The following DTWD2 variants were observed in gnomAD, a reference collection of about 807,000 sequenced individuals.
The protein encoded by DTWD2 is tRNA-uridine aminocarboxypropyltransferase 2.
In DTWD2, 39 loss-of-function variants were observed where a neutral mutation model predicts 31.8. That is an observed-to-expected ratio of 1.22 (90% CI 0.95 to 1.60). The LOEUF (loss-of-function observed/expected upper bound fraction) is 1.60. DTWD2 is among the 40% of genes most tolerant of loss of function. The pLI is 0.00. For synonymous variants in DTWD2, 180 were observed against 142.8 expected (o/e 1.26, Z -1.86); for missense variants, 515 against 381.5 (o/e 1.35, Z -2.92).
chr5:118,904,360 A>G (rs1753279774), intron 4 of DTWD2, among the ~76,000 whole-genome samples: 1 of 152,176 alleles, frequency 6.6e-6, no homozygotes, highest in Admixed American at 6.5e-5. Flanking sequence ...GTGTATTATC[A>G]TACTTATATA....
chr5:118,895,094 T>C (rs537952436), intron 4 of DTWD2, among the ~76,000 whole-genome samples: 1 of 152,270 alleles, frequency 6.6e-6, no homozygotes, highest in South Asian at 2.1e-4. Flanking sequence ...GCAGACTACA[T>C]GTCCTTATAT....
chr5:118,967,601 C>A (rs560801812), intron 1 of DTWD2, among the ~76,000 whole-genome samples: 1 of 151,970 alleles, frequency 6.6e-6, no homozygotes, highest in Admixed American at 6.6e-5. Context: ...CAGGAGGGAA[C>A]AATTTGAGCA....
intron 1 of DTWD2, among the ~76,000 whole-genome samples, chr5:118,951,507 G>A (rs187182037): frequency 3.3e-5 from 5 of 152,178 alleles, no homozygotes; most frequent in East Asian, 3.9e-4. Flanking sequence ...CCCATTTTAC[G>A]AGAAGAATTA....
chr5:118,876,199 T>A (rs1752618260), intron 4 of DTWD2, among the ~76,000 whole-genome samples: 1 of 152,122 alleles, frequency 6.6e-6, no homozygotes, highest in African/African-American at 2.4e-5. Flanking sequence ...GGGACACAGG[T>A]AAGGCAGTGT....
intron 1 of DTWD2, among the ~76,000 whole-genome samples, chr5:118,950,230 A>C (rs1754432079): frequency 6.6e-6 from 1 of 151,502 alleles, no homozygotes; most frequent in Admixed American, 6.6e-5. Flanking sequence ...AAAAAAAAAA[A>C]AAAAAAAGAA....
chr5:118,906,479 T>C (rs1007504192), intron 4 of DTWD2, among the ~76,000 whole-genome samples: 3 of 152,114 alleles, frequency 2.0e-5, no homozygotes, highest in South Asian at 2.1e-4. Flanking sequence ...GATAAACAAA[T>C]TGTAGAATAT....
intron 1 of DTWD2, among the ~76,000 whole-genome samples, chr5:118,977,304 G>C (rs1755184789): frequency 6.6e-6 from 1 of 152,140 alleles, no homozygotes; most frequent in Non-Finnish European, 1.5e-5. Context: ...TCTCACCACT[G>C]CTATTCAAAA....
At chr5:118,891,193 G>A (rs1414741686) in intron 4 of DTWD2, among the ~76,000 whole-genome samples, 1 of 150,540 alleles carries the variant, frequency 6.6e-6, no homozygotes, top group Non-Finnish European at 1.5e-5. Context: ...AAATTATCCT[G>A]ATTTTTTAGA....
In DTWD2 at chr5:118,975,304, G is replaced by A. The variant is rs370976043; in HGVS notation, c.218+12990C>T. ...TTCAATTTCTGATATCCTTTCTTCCGCTTGATCGATTTGGCTACTGATACT... is the reference window on the plus strand; with the variant it reads ...TTCAATTTCTGATATCCTTTCTTCCACTTGATCGATTTGGCTACTGATACT... On this transcript the variant is annotated intron_variant, in intron 1 of 5. Transcript: ENST00000510708. Among the ~76,000 whole-genome samples the A allele has an allele frequency of 5.9e-5, 9 of 151,658 alleles. No homozygotes were observed. In the South Asian group the frequency reaches 1.5e-3, roughly 25 times the overall value.
chr5:118,951,207 C>A lies in DTWD2; in HGVS notation c.219-6558G>T, dbSNP rs190631090. ...TCACAGAAGGAAACTGTAAGCCGGA[C>A]TGGGTGTGAGGAGAGGAGGTGATAG... On this transcript the variant is annotated intron_variant, in intron 1 of 5. Transcript: ENST00000510708. 4.1e-3 allele frequency among the ~76,000 whole-genome samples: 629 copies of A among 152,148 alleles called. 9 individuals are homozygous for A. The highest frequency in any genetic ancestry group is 0.032 in the East Asian group (166 of 5,168).
At chr5:118,949,603 T>A (rs1754413650) in intron 1 of DTWD2, among the ~76,000 whole-genome samples, 1 of 152,184 alleles carries the variant, frequency 6.6e-6, no homozygotes. Context: ...GATAACAGGC[T>A]TTAACCTTTT....
At chr5:118,902,243 G>GA (rs1218240876) in intron 4 of DTWD2, among the ~76,000 whole-genome samples, 1 of 151,696 alleles carries the variant, frequency 6.6e-6, no homozygotes, top group African/African-American at 2.4e-5. Context: ...AAGCCAAAAA[G>GA]AAAAAAATAA....
chr5:118,850,825 AAC>A (rs1179449815), intron 4 of DTWD2, among the ~76,000 whole-genome samples: 2 of 152,200 alleles, frequency 1.3e-5, no homozygotes, highest in Non-Finnish European at 2.9e-5. Context: ...TCAAGCAAAA[AAC>A]AAAGAACCCC....
chr5:118,890,021 T>C (rs1355975179), intron 4 of DTWD2, among the ~76,000 whole-genome samples: 1 of 152,172 alleles, frequency 6.6e-6, no homozygotes, highest in Non-Finnish European at 1.5e-5. Flanking sequence ...TGTCATTATA[T>C]AAAATATCAA....
chr5:118,954,074 C>T (rs922056889), intron 1 of DTWD2, among the ~76,000 whole-genome samples: 1 of 152,166 alleles, frequency 6.6e-6, no homozygotes, highest in Non-Finnish European at 1.5e-5. Flanking sequence ...AATTCGAGAT[C>T]AGCCTAGGAA....
Position 118,836,470 on chromosome 5 carries a change from C to T in DTWD2, c.*4447G>A, listed in dbSNP as rs1228879043. ...GCCAGGCTGGTCTTGAACTCCTGAC[C>T]TCGTGATCTACCCACCTCGGCCTCC... is the stretch of plus-strand genomic sequence containing the variant. On this transcript the variant is annotated 3_prime_UTR_variant, in exon 6 of 6. Transcript: ENST00000510708. Among the ~76,000 whole-genome samples the T allele has an allele frequency of 2.0e-5, 3 of 152,070 alleles. No individual in the cohort carries two copies. Among genetic ancestry groups the T allele is most frequent in the Admixed American group, 6.5e-5 (1 of 15,270 alleles).
At chr5:118,880,825 T>C (rs1281814807) in intron 4 of DTWD2, among the ~76,000 whole-genome samples, 1 of 152,190 alleles carries the variant, frequency 6.6e-6, no homozygotes, top group Non-Finnish European at 1.5e-5. Context: ...CCTTAAGCTC[T>C]TTAGTTTGAA....
At chr5:118,864,692 A>G (rs532201585) in intron 4 of DTWD2, among the ~76,000 whole-genome samples, 1 of 150,266 alleles carries the variant, frequency 6.7e-6, no homozygotes, top group Admixed American at 6.6e-5. Context: ...GTTAGGGTAC[A>G]TGTGTGTGTA....
chr5:118,936,932 CAATA>C (rs1561462434), intron 3 of DTWD2, among the ~76,000 whole-genome samples: 1 of 151,922 alleles, frequency 6.6e-6, no homozygotes, highest in African/African-American at 2.4e-5. Flanking sequence ...ATGAAAATAA[CAATA>C]AATAAATGCT....
Sources: gnomAD v4.1 joint callset for allele counts (sites outside exome capture counted in the v4.1 genomes callset) on GRCh38, gnomAD v4.1.1 for gene constraint, MANE v1.5 for transcripts, NCBI Gene and HGNC (gene_info 2026-07-23, HGNC 2026-07-21) for gene names.